Variants in WWTR1 observed in about 807,000 individuals in gnomAD.
The protein encoded by WWTR1 is WW domain containing transcription regulator 1, also known as WW domain-containing transcription regulator protein 1.
Under a neutral mutation model 40.1 loss-of-function variants are expected in WWTR1, and 13 were observed. The observed-to-expected ratio is 0.32, with a 90% CI of 0.21 to 0.52. WWTR1 has a LOEUF of 0.52. Ranked by LOEUF, WWTR1 falls within the 20% of genes least tolerant of loss-of-function variation. WWTR1 has a pLI of 0.97. For synonymous variants in WWTR1, 230 were observed against 210.1 expected, an observed-to-expected ratio of 1.09 and a Z score of -0.82; for missense variants, 436 against 523.1, an observed-to-expected ratio of 0.83 and a Z score of 1.63.
At chr3:149,546,603 T>G (rs1360868820) in intron 3 of WWTR1, among the ~76,000 whole-genome samples, 1 of 152,218 alleles carries the variant, frequency 6.6e-6, no homozygotes, top group African/African-American at 2.4e-5. Flanking sequence ...GGATGGGAGA[T>G]CTTCCTTTTC....
chr3:149,530,877 T>A (rs1405348233), intron 4 of WWTR1, among the ~76,000 whole-genome samples: 1 of 151,806 alleles, frequency 6.6e-6, no homozygotes, highest in East Asian at 1.9e-4. Context: ...TTTTCTACCT[T>A]CAACTGACTA....
chr3:149,577,603 C>T (rs748401120), intron 2 of WWTR1, among the ~76,000 whole-genome samples: 6 of 152,098 alleles, frequency 3.9e-5, no homozygotes, highest in Non-Finnish European at 7.4e-5. Context: ...ATGGAGTTTG[C>T]TAAGGGGCAA....
At chr3:149,678,891 C>T (rs557497413) in intron 1 of WWTR1, among the ~76,000 whole-genome samples, 26 of 148,518 alleles carry the variant, frequency 1.8e-4, no homozygotes, top group African/African-American at 6.2e-4. Flanking sequence ...GGTGCAGTGG[C>T]GTGATCTCGG....
At position 149,677,710 on chromosome 3, in the gene WWTR1, C is replaced by T. The variant is rs563489219; in HGVS notation, c.-107-7819G>A. 5.3e-5 allele frequency among the ~76,000 whole-genome samples: 8 copies of T among 152,242 alleles called. No individual in the cohort carries two copies. The East Asian group carries it at 7.8e-4, about 15-fold the overall frequency. ...ACAAAATCAACGCGGTGTCGTGACG[C>T]GTGCCTATAATCCCAGTTACTCGGG... is the stretch of plus-strand genomic sequence containing the variant. On this transcript the variant is annotated intron_variant, in intron 1 of 7. Transcript: ENST00000465804.
chr3:149,660,207 A>G (rs914959763), upstream of WWTR1: 4 of 152,186 alleles, frequency 2.6e-5, no homozygotes, highest in African/African-American at 4.8e-5. Context: ...AACAAGAGGA[A>G]GTGACTGGAA....
At chr3:149,683,026 C>A (rs76270670) in intron 1 of WWTR1, among the ~76,000 whole-genome samples, 3,223 of 152,214 alleles carry the variant, frequency 0.021, 63 homozygotes, top group South Asian at 0.092. Context: ...TTCCCAGGTG[C>A]CCATCTGGGG....
intron 1 of WWTR1, among the ~76,000 whole-genome samples, chr3:149,677,889 A>C (rs1714323255): frequency 6.6e-6 from 1 of 151,790 alleles, no homozygotes; most frequent in African/African-American, 2.4e-5. Flanking sequence ...TCAGCCTCCT[A>C]GTAGTTGGTA....
At chr3:149,684,406 T>C (rs1205745706) in intron 1 of WWTR1, among the ~76,000 whole-genome samples, 4 of 152,178 alleles carry the variant, frequency 2.6e-5, no homozygotes, top group African/African-American at 9.7e-5. Context: ...AAACTCTTTA[T>C]AAATACCATT....
chr3:149,632,775 A>G (rs1365203395), intron 2 of WWTR1, among the ~76,000 whole-genome samples: 1 of 152,266 alleles, frequency 6.6e-6, no homozygotes, highest in African/African-American at 2.4e-5. Context: ...TGAAAACATT[A>G]TGCCAAGTGC....
intron 2 of WWTR1, among the ~76,000 whole-genome samples, chr3:149,594,950 C>CTTTTTTTTTTTTTTTTTTT (rs563658190): frequency 3.2e-5 from 2 of 61,774 alleles, no homozygotes; most frequent in Admixed American, 1.9e-4. Context: ...CTCTTTTTTA[C>CTTTTTTTTTTTTTTTTTTT]TTTTTTTTTT....
At position 149,520,798 on chromosome 3, in the gene WWTR1, G is replaced by A; in HGVS notation, c.*7C>T. On this transcript the variant is annotated 3_prime_UTR_variant, in exon 7 of 7. Coordinates refer to ENST00000360632, the MANE Select transcript of WWTR1 (RefSeq NM_015472.6). ...TCATGGCTACATCCAAGTTACAATG[G>A]TAGTGATTACAGCCAGGTTAGAAAG... The A allele has an allele frequency of 6.4e-7, 1 of 1,567,252 alleles. No individual in the cohort carries two copies. Among genetic ancestry groups the A allele is most frequent in the Non-Finnish European group, 8.6e-7 (1 of 1,160,402 alleles).
At chr3:149,537,113 A>G (rs562173143) in intron 4 of WWTR1, among the ~76,000 whole-genome samples, 30 of 152,176 alleles carry the variant, frequency 2.0e-4, no homozygotes, top group Non-Finnish European at 4.0e-4. Context: ...TAAAGTTGCA[A>G]TTGTGCCTTT....
chr3:149,656,501 T>C (rs1713211317), intron 2 of WWTR1, among the ~76,000 whole-genome samples: 1 of 152,278 alleles, frequency 6.6e-6, no homozygotes, highest in South Asian at 2.1e-4. Flanking sequence ...TTTATCTCGG[T>C]GTCACATCCC....
chr3:149,636,098 A>G (rs1711803744), intron 2 of WWTR1, among the ~76,000 whole-genome samples: 1 of 152,216 alleles, frequency 6.6e-6, no homozygotes, highest in Admixed American at 6.5e-5. Flanking sequence ...TGATGTTCCC[A>G]GGAGAATGAA....
chr3:149,699,975 T>C (rs2108222359), intron 1 of WWTR1, among the ~76,000 whole-genome samples: 1 of 152,354 alleles, frequency 6.6e-6, no homozygotes, highest in Non-Finnish European at 1.5e-5. Context: ...TATAAAGGTA[T>C]ACCAGAGACT....
chr3:149,657,377 T>TCTC, intron 1 of WWTR1, 68 bp from the exon 2 acceptor site: 1 of 1,482,314 alleles, frequency 6.7e-7, no homozygotes, highest in Admixed American at 2.3e-5. Flanking sequence ...GGTTACAGGG[T>TCTC]GAGAGGGCGA....
At chr3:149,560,602 TAA>T (rs1480162748) in intron 3 of WWTR1, among the ~76,000 whole-genome samples, 4 of 152,246 alleles carry the variant, frequency 2.6e-5, no homozygotes, top group African/African-American at 9.6e-5. Flanking sequence ...TTGAAGCAGC[TAA>T]ATGAAGGCCT....
intron 1 of WWTR1, among the ~76,000 whole-genome samples, chr3:149,675,877 C>T (rs1289302714): frequency 6.6e-6 from 1 of 152,082 alleles, no homozygotes; most frequent in Non-Finnish European, 1.5e-5. Context: ...ACCACCATGC[C>T]CAGCTAATTT....
At chr3:149,627,785 C>T (rs1168521654) in intron 2 of WWTR1, among the ~76,000 whole-genome samples, 2 of 152,258 alleles carry the variant, frequency 1.3e-5, no homozygotes, top group Non-Finnish European at 2.9e-5. Flanking sequence ...ACATTAAAAA[C>T]TTATTGGCCG....
Sources: gnomAD v4.1 joint callset for allele counts (sites outside exome capture counted in the v4.1 genomes callset) on GRCh38, gnomAD v4.1.1 for gene constraint, MANE v1.5 for transcripts, NCBI Gene and HGNC (gene_info 2026-07-23, HGNC 2026-07-21) for gene names.